The following MYO1F variants were observed in gnomAD, a reference collection of about 807,000 sequenced individuals.
MYO1F encodes the protein myosin IF.
MYO1F carries 60 observed loss-of-function variants against 146.6 expected under a neutral mutation model. The ratio of observed to expected loss-of-function variants is 0.41; its 90% CI spans 0.33 to 0.51. The LOEUF is 0.51. Ranked by LOEUF, MYO1F falls within the 20% of genes least tolerant of loss-of-function variation. MYO1F has a pLI of 0.25. For missense variants in MYO1F, 1,274 were observed against 1,534.3 expected, an observed-to-expected ratio of 0.83 and a Z score of 2.83; for synonymous variants, 602 against 602.1, an observed-to-expected ratio of 1.00 and a Z score of 0.00.
chr19:8,562,195 G>A (rs945987359), intron 1 of MYO1F, among the ~76,000 whole-genome samples: 1 of 151,434 alleles, frequency 6.6e-6, no homozygotes, highest in Non-Finnish European at 1.5e-5. Context: ...TGGAGACGAG[G>A]TTTCACCGTG....
At chr19:8,521,795 C>T (rs1972069017) in intron 27 of MYO1F, among the ~76,000 whole-genome samples, 191 bp from the exon 28 acceptor site, 2 of 152,114 alleles carry the variant, frequency 1.3e-5, no homozygotes, top group African/African-American at 2.4e-5. Flanking sequence ...CTGCATCCGG[C>T]CATTTCTACT....
intron 1 of MYO1F, among the ~76,000 whole-genome samples, chr19:8,569,666 G>A (rs182085205): frequency 1.5e-3 from 228 of 152,278 alleles, no homozygotes; most frequent in African/African-American, 5.2e-3. Flanking sequence ...GGAAAGTACT[G>A]TGGAGAGGTG....
chr19:8,544,603 G>A (rs1599959843), intron 13 of MYO1F, 139 bp from the exon 14 acceptor site: 2 of 887,750 alleles, frequency 2.3e-6, no homozygotes, highest in Non-Finnish European at 3.4e-6. Context: ...AGGGCACCAG[G>A]GGCTTCAAAT....
intron 19 of MYO1F, among the ~76,000 whole-genome samples, chr19:8,531,969 T>C (rs1025455269): frequency 2.0e-5 from 3 of 151,896 alleles, no homozygotes; most frequent in Non-Finnish European, 4.4e-5. Context: ...AATACAAAAG[T>C]TAGCCGGGTG....
chr19:8,537,391 T>C (rs1972773172), intron 16 of MYO1F, among the ~76,000 whole-genome samples: 1 of 152,174 alleles, frequency 6.6e-6, no homozygotes, highest in Non-Finnish European at 1.5e-5. Flanking sequence ...AGCATTTCTT[T>C]TTGTCCTTTG....
intron 24 of MYO1F, 65 bp from the exon 25 acceptor site, chr19:8,525,627 C>G (rs568190779): frequency 4.3e-6 from 6 of 1,393,118 alleles, no homozygotes; most frequent in South Asian, 2.4e-5. Context: ...GCCCACAAAT[C>G]TAGTCCATTC....
chr19:8,546,551 G>A (rs1973365013), intron 12 of MYO1F, among the ~76,000 whole-genome samples: 1 of 151,904 alleles, frequency 6.6e-6, no homozygotes, highest in Non-Finnish European at 1.5e-5. Context: ...GTAGAGATGA[G>A]GTCTCACTAT....
chr19:8,536,897 G>C lies in MYO1F; in HGVS notation c.1799+52C>G, dbSNP rs1241003513. On this transcript the variant is annotated intron_variant, in intron 17 of 27. Coordinates refer to ENST00000644032, the MANE Select transcript of MYO1F (RefSeq NM_012335.4). ...GGAGGTGTCTCGGTCAGTTCTAGGGGTAACTGCAGGGCCTGGGGGGAATGA... is the reference window on the plus strand; with the variant it reads ...GGAGGTGTCTCGGTCAGTTCTAGGGCTAACTGCAGGGCCTGGGGGGAATGA... 3 of 1,202,228 alleles carry C rather than the reference G, an allele frequency of 2.5e-6. No individual in the cohort carries two copies. The Admixed American group carries it at 5.7e-5, about 23-fold the overall frequency. The allele number at this position is 1,202,228 out of a possible 1,614,324, so 74.5% of individuals were successfully genotyped here.
In MYO1F at chr19:8,577,169, TGA is replaced by T; in HGVS notation, c.3+136_3+137del. ...GATGCTGGAGGCACCTGAGCTGCAC[TGA>T]GAGACACCCCACCCCCACAGAAGTC... is the stretch of plus-strand genomic sequence containing the variant. On this transcript the variant is annotated intron_variant, in intron 1 of 27. Coordinates refer to ENST00000644032, the MANE Select transcript of MYO1F (RefSeq NM_012335.4). This position sits in a 1 kb window ranked among gnomAD's most constrained non-coding sequence, Gnocchi z 4.3. 3 of 1,047,742 alleles carry T rather than the reference TGA, an allele frequency of 2.9e-6. No homozygotes were observed. The highest frequency in any genetic ancestry group is 2.0e-5 in the Admixed American group (1 of 50,248). 64.9% of individuals were successfully genotyped at this position (1,047,742 alleles called of 1,614,324 possible).
intron 1 of MYO1F, among the ~76,000 whole-genome samples, chr19:8,567,955 G>C (rs1489752750): frequency 6.6e-6 from 1 of 152,204 alleles, no homozygotes; most frequent in Non-Finnish European, 1.5e-5. Context: ...GCTGTGTCTG[G>C]CTAGGCCCAT....
chr19:8,576,087 C>T (rs2042234866), intron 1 of MYO1F, among the ~76,000 whole-genome samples: 1 of 152,210 alleles, frequency 6.6e-6, no homozygotes, highest in Non-Finnish European at 1.5e-5. Flanking sequence ...CCCTCCGCCT[C>T]CTGGGTTCAA....
chr19:8,542,604 CTT>C (rs61078650), intron 14 of MYO1F, among the ~76,000 whole-genome samples: 18 of 136,832 alleles, frequency 1.3e-4, no homozygotes, highest in Admixed American at 1.5e-4. Context: ...TGTTTGTTTG[CTT>C]TTTTTTTTTT....
Position 8,554,680 on chromosome 19 carries a change from G to T in MYO1F, c.205C>A (p.Arg69Ser). The T allele has an allele frequency of 6.2e-7, 1 of 1,613,964 alleles. No homozygotes were observed. The highest frequency in any genetic ancestry group is 1.1e-5 in the South Asian group (1 of 91,082). ...GCGCCCTGATAGAGGTCGATCTCAC[G>T]GTCGGTGAAGTAGGGCATCTGCTTG... is the stretch of plus-strand genomic sequence containing the variant. ...PFKQMPYFTD[R>S]EIDLYQGAAQ... Residue 69 changes from arginine (R) to serine (S), a missense_variant, in exon 3 of 28, where the codon CGT becomes AGT. Coordinates refer to ENST00000644032, the MANE Select transcript of MYO1F (RefSeq NM_012335.4).
chr19:8,520,971 C>T lies in MYO1F; in HGVS notation c.*557G>A, dbSNP rs1323828131. Reference sequence around the variant, plus strand: ...TTTATGGTCACATATGAATGCAAGGCATGGCTCTGTGCAGTCTTGGGTCAG... The same window carrying T: ...TTTATGGTCACATATGAATGCAAGGTATGGCTCTGTGCAGTCTTGGGTCAG... On this transcript the variant is annotated 3_prime_UTR_variant, in exon 28 of 28. Coordinates refer to ENST00000644032, the MANE Select transcript of MYO1F (RefSeq NM_012335.4). The T allele has an allele frequency of 5.3e-6, 1 of 187,668 alleles. No homozygotes were observed. The highest frequency in any genetic ancestry group is 2.4e-5 in the African/African-American group (1 of 42,414). The allele number at this position is 187,668 out of a possible 1,614,324, so 11.6% of individuals were successfully genotyped here.
At chr19:8,544,584 G>T (rs565325231) in intron 13 of MYO1F, 120 bp from the exon 14 acceptor site, 17 of 948,098 alleles carry the variant, frequency 1.8e-5, no homozygotes, top group African/African-American at 3.3e-5. Context: ...TAGAGCTTTG[G>T]GGGTGGGGAG....
Position 8,550,619 on chromosome 19 carries a change from G to C in MYO1F, c.847C>G (p.Leu283Val). Residue 283 changes from leucine to valine, a missense_variant, in exon 9 of 28, where the codon CTG becomes GTG. Transcript: ENST00000644032. Reference sequence around the variant, plus strand: ...TCTTCACAGAAACTGATGTTCCCCAGGTGCAAGATCCCCGCCACGAGCTGC... The same window carrying C: ...TCTTCACAGAAACTGATGTTCCCCACGTGCAAGATCCCCGCCACGAGCTGC... Reference protein sequence around the residue: ...VLQLVAGILHLGNISFCEDGN... With the variant: ...VLQLVAGILHVGNISFCEDGN... The C allele has an allele frequency of 1.9e-6, 3 of 1,614,128 alleles. No homozygotes were observed. The highest frequency in any genetic ancestry group is 1.7e-6 in the Non-Finnish European group (2 of 1,180,042).
At chr19:8,527,583 A>G (rs1972322030) in intron 21 of MYO1F, 100 bp from the exon 22 acceptor site, 2 of 1,492,322 alleles carry the variant, frequency 1.3e-6, no homozygotes, top group Non-Finnish European at 1.8e-6. Flanking sequence ...AGGTCAGGTG[A>G]GGAAGGTGGG....
chr19:8,522,598 G>T, intron 26 of MYO1F, 36 bp downstream of exon 26: 2 of 1,607,818 alleles, frequency 1.2e-6, no homozygotes, highest in East Asian at 2.2e-5. Flanking sequence ...CCTACCCCCT[G>T]CCCACCTCCT....
chr19:8,536,463 AG>A (rs774505037), intron 18 of MYO1F, 35 bp downstream of exon 18: 1 of 1,567,566 alleles, frequency 6.4e-7, no homozygotes, highest in South Asian at 1.1e-5. Context: ...GTTCTGATGA[AG>A]GGGATGGCGA....
Sources: gnomAD v4.1 joint callset for allele counts (sites outside exome capture counted in the v4.1 genomes callset) on GRCh38, gnomAD v4.1.1 for gene constraint, Gnocchi (gnomAD v3.1) non-coding constraint, MANE v1.5 for transcripts, NCBI Gene and HGNC (gene_info 2026-07-23, HGNC 2026-07-21) for gene names.